MOGAT2: variants seen among roughly 807,000 people sequenced by gnomAD.
MOGAT2 encodes the protein 2-acylglycerol O-acyltransferase 2.
A neutral mutation model predicts 31.5 loss-of-function variants in MOGAT2; 27 were observed. The ratio of observed to expected loss-of-function variants is 0.86; its 90% CI spans 0.63 to 1.18. The LOEUF (loss-of-function observed/expected upper bound fraction) is 1.18. Among genes scored for constraint, MOGAT2 ranks in the 50% most tolerant of loss-of-function variants. The pLI, the probability that MOGAT2 is intolerant of heterozygous loss-of-function variation, is 0.00. For missense variants in MOGAT2, 436 were observed against 433.2 expected (o/e 1.01, Z -0.06); for synonymous variants, 163 against 170.0 (o/e 0.96, Z 0.32).
intron 5 of MOGAT2, among the ~76,000 whole-genome samples, chr11:75,729,490 T>G (rs10899104): frequency 0.31 from 47,034 of 151,614 alleles, 9,639 homozygotes; most frequent in African/African-American, 0.59. Flanking sequence ...GGCCAGGCTG[T>G]TCTCAAACTC....
chr11:75,718,113 C>A, intron 1 of MOGAT2, 134 bp downstream of exon 1: 1 of 922,998 alleles, frequency 1.1e-6, no homozygotes, highest in East Asian at 2.7e-5. Context: ...CTCAGAGCCC[C>A]TGCCCAGAGA....
rs1047206339 is a variant in MOGAT2 at position 75,721,255 on chromosome 11, A to G, written c.270+1085A>G. On this transcript the variant is annotated intron_variant, in intron 2 of 5. Transcript: ENST00000198801. Reference sequence around the variant, plus strand: ...TACCTCACTGGGTTGTGTAGATTCAATGAGACAAAGCAAGTAAAGCACTTT... The same window carrying G: ...TACCTCACTGGGTTGTGTAGATTCAGTGAGACAAAGCAAGTAAAGCACTTT... Among the ~76,000 whole-genome samples, 16 of 151,988 alleles carry G rather than the reference A, an allele frequency of 1.1e-4. 1 individual carries two copies. The highest frequency in any genetic ancestry group is 4.2e-4 in the South Asian group (2 of 4,806).
chr11:75,727,733 A>G (rs1944434404), intron 3 of MOGAT2, 94 bp downstream of exon 3: 1 of 1,296,912 alleles, frequency 7.7e-7, no homozygotes. Context: ...CGTGTGCAGT[A>G]GGAGAAGGAG....
chr11:75,718,868 G>A (rs1483751345), intron 1 of MOGAT2, among the ~76,000 whole-genome samples: 1 of 152,132 alleles, frequency 6.6e-6, no homozygotes, highest in Non-Finnish European at 1.5e-5. Flanking sequence ...AGGAACTGCT[G>A]CTTCCAGGGC....
intron 2 of MOGAT2, among the ~76,000 whole-genome samples, chr11:75,722,365 C>T (rs900213355): frequency 6.6e-6 from 1 of 152,130 alleles, no homozygotes; most frequent in East Asian, 1.9e-4. Context: ...AGCCTGGGGA[C>T]GTGTGTGTGA....
intron 2 of MOGAT2, among the ~76,000 whole-genome samples, chr11:75,727,172 C>T (rs1944428363): frequency 1.3e-5 from 2 of 152,122 alleles, no homozygotes; most frequent in Non-Finnish European, 2.9e-5. Context: ...ACTCTATTGC[C>T]ACTTTACAAA....
chr11:75,728,316 T>G (rs746881589), intron 4 of MOGAT2, 172 bp downstream of exon 4: 1 of 783,764 alleles, frequency 1.3e-6, no homozygotes, highest in South Asian at 1.5e-5. Flanking sequence ...TAGAAAAGTT[T>G]CCACAACGGA....
chr11:75,727,642 G>T lies in MOGAT2; in HGVS notation c.475+3G>T, dbSNP rs748623612. The T allele has an allele frequency of 1.2e-6, 2 of 1,612,930 alleles. No homozygotes were observed. Among genetic ancestry groups the T allele is most frequent in the Non-Finnish European group, 1.7e-6 (2 of 1,179,268 alleles). On this transcript the variant is annotated splice_donor_region_variant and intron_variant, in intron 3 of 5. Transcript: ENST00000198801. Reference sequence around the variant, plus strand: ...CAGAGATTACATCATGTCTGCAGGTGAGTCTTTCTACCCCTGAGCAGCTCA... The same window carrying T: ...CAGAGATTACATCATGTCTGCAGGTTAGTCTTTCTACCCCTGAGCAGCTCA...
Position 75,717,996 on chromosome 11 carries a change from T to TGG in MOGAT2, c.91+18_91+19insGG. The TGG allele has an allele frequency of 1.2e-6, 2 of 1,613,066 alleles. No homozygotes were observed. Among genetic ancestry groups the TGG allele is most frequent in the Non-Finnish European group, 1.7e-6 (2 of 1,179,242 alleles). ...TGGCACTGGGTAAGTTGGGCTGCACTGTAAGACGGGAGACCACCGCACTCA... is the reference window on the plus strand; with the variant it reads ...TGGCACTGGGTAAGTTGGGCTGCACTGGGTAAGACGGGAGACCACCGCACTCA... On this transcript the variant is annotated intron_variant, in intron 1 of 5. Transcript: ENST00000198801.
Position 75,719,974 on chromosome 11 carries a change from T to A in MOGAT2, c.92-18T>A, listed in dbSNP as rs1229724622. ...CTCTCAGACCCCTGTCCCTGACAGC[T>A]CCTTCTTCCCTCCCCAGCCGAGATC... On this transcript the variant is annotated intron_variant, in intron 1 of 5. Coordinates refer to ENST00000198801, the MANE Select transcript of MOGAT2 (RefSeq NM_025098.4). 3 of 1,600,044 alleles carry A rather than the reference T, an allele frequency of 1.9e-6. No individual in the cohort carries two copies. The African/African-American group carries it at 4.2e-5, about 22-fold the overall frequency.
chr11:75,728,483 C>A (rs1308509223), intron 4 of MOGAT2: 3 of 547,358 alleles, frequency 5.5e-6, no homozygotes, highest in Non-Finnish European at 9.8e-6. Flanking sequence ...CATGAGCCAG[C>A]TGAGGTGGGA....
chr11:75,728,951 TTGGTTTAATAC>T lies in MOGAT2; in HGVS notation c.813_823del (p.Gly272LeufsTer47). 1 of 1,614,074 alleles carries T rather than the reference TTGGTTTAATAC, an allele frequency of 6.2e-7. No individual in the cohort carries two copies. Among genetic ancestry groups the T allele is most frequent in the Non-Finnish European group, 8.5e-7 (1 of 1,180,024 alleles). On this transcript the variant is annotated frameshift_variant, in exon 5 of 6. Coordinates refer to ENST00000198801, the MANE Select transcript of MOGAT2 (RefSeq NM_025098.4). LOFTEE classifies it high-confidence loss of function. ...GGCCGTGGTGTCTTCCAGTACAGCT[TTGGTTTAATAC>T]CCTACCGCCGGCCCATCACCACTGT...
intron 2 of MOGAT2, among the ~76,000 whole-genome samples, chr11:75,726,519 C>G (rs751951521): frequency 6.6e-6 from 1 of 152,050 alleles, no homozygotes; most frequent in Non-Finnish European, 1.5e-5. Flanking sequence ...TAACCCATCT[C>G]TAGAATATGT....
Position 75,731,284 on chromosome 11 carries a change from T to A in MOGAT2, c.1003T>A (p.Ter335ArgextTer26), listed in dbSNP as rs1461137339. Reference sequence around the variant, plus strand: ...TGCTGACCAGCACTTGGAGTTCTGCTGAGCCCAAAGGGCAGGGCCAACATT... The same window carrying A: ...TGCTGACCAGCACTTGGAGTTCTGCAGAGCCCAAAGGGCAGGGCCAACATT... The part of the protein sequence containing the change: ...IPADQHLEFC[*>R] The change falls in exon 6 of 6, where the codon TGA becomes AGA. Residue 335 changes from the stop codon to arginine, a stop_lost. Transcript: ENST00000198801. 12 of 1,613,818 alleles carry A rather than the reference T, an allele frequency of 7.4e-6. No individual in the cohort carries two copies. The highest frequency in any genetic ancestry group is 1.1e-5 in the South Asian group (1 of 91,054).
At chr11:75,725,618 T>C (rs1297672746) in intron 2 of MOGAT2, among the ~76,000 whole-genome samples, 1 of 152,114 alleles carries the variant, frequency 6.6e-6, no homozygotes, top group East Asian at 1.9e-4. Flanking sequence ...CAGGAGAATG[T>C]GGAACTGTTC....
rs765803507 is a variant in MOGAT2 at position 75,720,104 on chromosome 11, C to G, written c.204C>G (p.Gly68=). ...ACCGAGACAAGCCACGGCAGGGGGG[C>G]CGGCACATCCAGGCCATCAGGTGCT... ...YLDRDKPRQG[G]RHIQAIRCWT... is the part of the protein sequence containing the mutation. The change falls in exon 2 of 6, where the codon GGC becomes GGG. Residue 68 remains glycine, a synonymous_variant. Coordinates refer to ENST00000198801, the MANE Select transcript of MOGAT2 (RefSeq NM_025098.4). 4 of 1,614,136 alleles carry G rather than the reference C, an allele frequency of 2.5e-6. No individual in the cohort carries two copies. Among genetic ancestry groups the G allele is most frequent in the Non-Finnish European group, 3.4e-6 (4 of 1,180,028 alleles).
chr11:75,724,494 A>C (rs569602449), intron 2 of MOGAT2, among the ~76,000 whole-genome samples: 57 of 152,036 alleles, frequency 3.7e-4, no homozygotes, highest in African/African-American at 1.4e-3. Flanking sequence ...GTATTAGCAC[A>C]TGCATTTATG....
At chr11:75,722,773 T>G (rs7938066) in intron 2 of MOGAT2, among the ~76,000 whole-genome samples, 110,381 of 152,090 alleles carry the variant, frequency 0.73, 40,624 homozygotes, top group African/African-American at 0.86. Context: ...AGCATTTCCA[T>G]TTGCAGGTCT....
intron 2 of MOGAT2, among the ~76,000 whole-genome samples, chr11:75,722,275 C>G (rs115303306): frequency 0.023 from 3,487 of 152,310 alleles, 115 homozygotes; most frequent in African/African-American, 0.065. Flanking sequence ...CCTCCCTTTC[C>G]TGCCTCTCCT....
Sources: gnomAD v4.1 joint callset for allele counts (sites outside exome capture counted in the v4.1 genomes callset) on GRCh38, gnomAD v4.1.1 for gene constraint, MANE v1.5 for transcripts, NCBI Gene and HGNC (gene_info 2026-07-23, HGNC 2026-07-21) for gene names.